The following NCS1 variants were observed in gnomAD, a reference collection of about 807,000 sequenced individuals.
The protein encoded by NCS1 is frequenin homolog.
A neutral mutation model predicts 28.4 loss-of-function variants in NCS1; 6 were observed. The observed-to-expected ratio is 0.21, with a 90% confidence interval of 0.12 to 0.42. The LOEUF (loss-of-function observed/expected upper bound fraction) is 0.42, where lower values mean the gene tolerates loss of function less well. NCS1 is among the 10% of genes least tolerant of loss of function. The pLI is 1.00. For missense variants in NCS1, 131 were observed against 241.4 expected (o/e 0.54, Z 3.03); for synonymous variants, 86 against 99.3 (o/e 0.87, Z 0.79).
At chr9:130,223,506 A>G (rs1343035354) in intron 6 of NCS1, among the ~76,000 whole-genome samples, 2 of 152,170 alleles carry the variant, frequency 1.3e-5, no homozygotes, top group Non-Finnish European at 2.9e-5. Flanking sequence ...TGATTATTTT[A>G]GAAAACAGCT....
chr9:130,174,857 G>A (rs117969492), intron 1 of NCS1, among the ~76,000 whole-genome samples: 2,247 of 149,926 alleles, frequency 0.015, 27 homozygotes, highest in Non-Finnish European at 0.018. Context: ...CATGATGGTG[G>A]ATTCTAAATG....
At position 130,184,794 on chromosome 9, in the gene NCS1, A is replaced by ATT. The variant is rs34059439; in HGVS notation, c.64+12078_64+12079dup. On this transcript the variant is annotated intron_variant, in intron 1 of 7. Transcript: ENST00000372398. ...AGGCGTGCACCACCACGCCTGGCTA[A>ATT]TTTTTTTTTTTTGTATTTTAGTAGA... Among the ~76,000 whole-genome samples the ATT allele has an allele frequency of 7.1e-3, 1,034 of 146,448 alleles. 20 individuals are homozygous for ATT. The highest frequency in any genetic ancestry group is 0.024 in the African/African-American group (944 of 39,852).
chr9:130,172,627 G>C lies in NCS1; in HGVS notation c.-37G>C. On this transcript the variant is annotated 5_prime_UTR_variant, in exon 1 of 8. Transcript: ENST00000372398. ...CGCTCCTGCTGGGCGCCCCAACCGG[G>C]TCCGGCCCGGGGGGGCGGGGGCCGC... 7.3e-7 allele frequency: 1 copy of C among 1,374,218 alleles called. No homozygotes were observed. The highest frequency in any genetic ancestry group is 9.6e-7 in the Non-Finnish European group (1 of 1,038,796). The allele number at this position is 1,374,218 out of a possible 1,614,324, so 85.1% of individuals were successfully genotyped here. A position where few individuals can be genotyped will look rare whatever the true frequency, so the allele number is the denominator to read the frequency against.
Position 130,172,583 on chromosome 9 carries a change from C to A in NCS1, c.-81C>A, listed in dbSNP as rs1832495764. ...CCGCAGACAAAGGCGCGGCCCCGGC[C>A]CGGCCCGCCCGGCCCAGCCGCTCCT... On this transcript the variant is annotated 5_prime_UTR_variant, in exon 1 of 8. Transcript: ENST00000372398. 2.7e-6 allele frequency: 2 copies of A among 737,850 alleles called. No individual in the cohort carries two copies. The highest frequency in any genetic ancestry group is 3.9e-5 in the African/African-American group (2 of 51,746). The allele number at this position is 737,850 out of a possible 1,614,324, so 45.7% of individuals were successfully genotyped here.
In NCS1 at chr9:130,181,851, C is replaced by T. The variant is rs998813549; in HGVS notation, c.64+9124C>T. Among the ~76,000 whole-genome samples the T allele has an allele frequency of 1.5e-4, 23 of 151,396 alleles. No homozygotes were observed. Among genetic ancestry groups the T allele is most frequent in the Admixed American group, 6.6e-4 (10 of 15,214 alleles). ...TGGCGTGTGTCAGGAGTGGGTGAGC[C>T]GGGCACTCCTGTGCGCACGCGTGTG... is the stretch of plus-strand genomic sequence containing the variant. On this transcript the variant is annotated intron_variant, in intron 1 of 7. Transcript: ENST00000372398. This position sits in a 1 kb window ranked among gnomAD's most constrained non-coding sequence, Gnocchi z 5.0.
intron 1 of NCS1, among the ~76,000 whole-genome samples, chr9:130,179,262 G>C (rs185725647): frequency 3.2e-4 from 49 of 152,028 alleles, no homozygotes; most frequent in Admixed American, 1.7e-3. Flanking sequence ...GTAAATTTGG[G>C]ATTATCTACT....
rs1206566214 is a variant in NCS1 at position 130,204,782 on chromosome 9, C to T, written c.89+3800C>T. 7.9e-5 allele frequency among the ~76,000 whole-genome samples: 12 copies of T among 152,312 alleles called. No individual in the cohort carries two copies. The South Asian group carries it at 8.3e-4, about 11-fold the overall frequency. Reference sequence around the variant, plus strand: ...CAGAGTCTAGGAAACATTTTCTCTGCTGGTGTCAGTAACCGTAGTAATCAT... The same window carrying T: ...CAGAGTCTAGGAAACATTTTCTCTGTTGGTGTCAGTAACCGTAGTAATCAT... On this transcript the variant is annotated intron_variant, in intron 2 of 7. Coordinates refer to ENST00000372398, the MANE Select transcript of NCS1 (RefSeq NM_014286.4).
chr9:130,218,534 A>T (rs1045423558), intron 3 of NCS1, among the ~76,000 whole-genome samples: 3 of 152,192 alleles, frequency 2.0e-5, no homozygotes, highest in Non-Finnish European at 4.4e-5. Flanking sequence ...TGATAATAAC[A>T]GGATTAATAA....
chr9:130,210,843 C>CTTTTTTTTTTTTTT lies in NCS1; in HGVS notation c.90-6976_90-6975insTTTTTTTTTTTTTT, dbSNP rs3055582. Among the ~76,000 whole-genome samples the CTTTTTTTTTTTTTT allele has an allele frequency of 5.0e-5, 7 of 141,038 alleles. 1 individual carries two copies. The highest frequency in any genetic ancestry group is 4.6e-4 in the South Asian group (2 of 4,358). The allele number at this position is 141,038 out of a possible 152,430, so 92.5% of individuals were successfully genotyped here. A position where few individuals can be genotyped will look rare whatever the true frequency, so the allele number is the denominator to read the frequency against. ...TTCAACACCTTTTTCTTTTTCTTTT[C>CTTTTTTTTTTTTTT]TTTTTTTTTTTTTGAGACAGGGTCT... On this transcript the variant is annotated intron_variant, in intron 2 of 7. Transcript: ENST00000372398.
intron 1 of NCS1, among the ~76,000 whole-genome samples, chr9:130,195,243 C>T (rs781847451): frequency 3.9e-5 from 6 of 152,130 alleles, no homozygotes; most frequent in Admixed American, 1.3e-4. Flanking sequence ...CTGGGCTGGC[C>T]AAGGCCCTCT....
intron 2 of NCS1, among the ~76,000 whole-genome samples, chr9:130,216,725 A>T (rs1378770727): frequency 6.6e-6 from 1 of 151,952 alleles, no homozygotes; most frequent in Non-Finnish European, 1.5e-5. Context: ...CAAAAAAAAA[A>T]AAAAAAGGCT....
chr9:130,180,016 TATCTATCTATC>T lies in NCS1; in HGVS notation c.64+7290_64+7300del, dbSNP rs1554905002. Among the ~76,000 whole-genome samples, 4 of 144,568 alleles carry T rather than the reference TATCTATCTATC, an allele frequency of 2.8e-5. No individual in the cohort carries two copies. Among genetic ancestry groups the T allele is most frequent in the East Asian group, 2.0e-4 (1 of 5,104 alleles). The allele number at this position is 144,568 out of a possible 152,430, so 94.8% of individuals were successfully genotyped here. ...CTTTTTATCTATCTATCTATCTATCTATCTATCTATCTATCTATCTATCTATCTATCTATCG... is the reference window on the plus strand; with the variant it reads ...CTTTTTATCTATCTATCTATCTATCTTATCTATCTATCTATCTATCTATCG... On this transcript the variant is annotated intron_variant, in intron 1 of 7. Transcript: ENST00000372398. The surrounding 1 kb of genome is among the most constrained non-coding windows in gnomAD (Gnocchi z 4.5).
At chr9:130,190,538 C>G (rs1554906149) in intron 1 of NCS1, among the ~76,000 whole-genome samples, 1 of 152,208 alleles carries the variant, frequency 6.6e-6, no homozygotes, top group Non-Finnish European at 1.5e-5. Flanking sequence ...GTCAGTGCGA[C>G]TTGATCTGGG....
At chr9:130,176,794 T>C (rs186266192) in intron 1 of NCS1, among the ~76,000 whole-genome samples, 233 of 152,368 alleles carry the variant, frequency 1.5e-3, no homozygotes, top group African/African-American at 5.5e-3. Context: ...ATGGAATCCC[T>C]GGCCTCAGGA....
intron 1 of NCS1, among the ~76,000 whole-genome samples, chr9:130,198,763 G>A (rs1292658867): frequency 2.0e-5 from 3 of 152,170 alleles, no homozygotes; most frequent in Non-Finnish European, 4.4e-5. Context: ...AGTGCCCTGT[G>A]GGGCCGGATT....
rs1342103095 is a variant in NCS1 at position 130,233,991 on chromosome 9, A to G, written c.*1019A>G. 1 of 152,010 alleles carries G rather than the reference A, an allele frequency of 6.6e-6. No homozygotes were observed. The highest frequency in any genetic ancestry group is 1.5e-5 in the Non-Finnish European group (1 of 68,018). The allele number at this position is 152,010 out of a possible 1,614,324, so 9.4% of individuals were successfully genotyped here. On this transcript the variant is annotated 3_prime_UTR_variant, in exon 8 of 8. Transcript: ENST00000372398. This position sits in a 1 kb window ranked among gnomAD's most constrained non-coding sequence, Gnocchi z 4.8. ...CCGAGGATGAACAGGGGACATCTTT[A>G]GGTTTCTCAACTCTTGCTTTGGTGT...
rs1554904294 is a variant in NCS1 at position 130,173,207 on chromosome 9, G to GGT, written c.64+481_64+482insTG. Among the ~76,000 whole-genome samples the GGT allele has an allele frequency of 3.3e-5, 5 of 151,964 alleles. No homozygotes were observed. In the East Asian group the frequency reaches 9.7e-4, roughly 29 times the overall value. On this transcript the variant is annotated intron_variant, in intron 1 of 7. Coordinates refer to ENST00000372398, the MANE Select transcript of NCS1 (RefSeq NM_014286.4). ...CCCTGGCCCCGTTCGTGTGGGGGGG[G>GGT]GGGTGGCGAGACTTGGCACAGCGCT...
In NCS1 at chr9:130,235,218, GGCTCCCTGCTCA is replaced by G. The variant is rs1448042847; in HGVS notation, c.*2250_*2261del. 1 of 152,316 alleles carries G rather than the reference GGCTCCCTGCTCA, an allele frequency of 6.6e-6. No individual in the cohort carries two copies. Among genetic ancestry groups the G allele is most frequent in the African/African-American group, 2.4e-5 (1 of 41,408 alleles). 9.4% of individuals were successfully genotyped at this position (152,316 alleles called of 1,614,324 possible). On this transcript the variant is annotated 3_prime_UTR_variant, in exon 8 of 8. Transcript: ENST00000372398. ...GGATTCTTTGAGGCCCCTGCCAGTC[GGCTCCCTGCTCA>G]GCTGCTGGCCCGGGCGACCTGGGAC... is the stretch of plus-strand genomic sequence containing the variant.
chr9:130,231,135 G>T (rs1554912058), intron 7 of NCS1, among the ~76,000 whole-genome samples: 1 of 151,946 alleles, frequency 6.6e-6, no homozygotes, highest in Non-Finnish European at 1.5e-5. Flanking sequence ...TGGATCACTT[G>T]AGCCAAAGAG....
Sources: allele counts gnomAD v4.1 joint callset (sites outside exome capture counted in the v4.1 genomes callset), GRCh38; gene constraint gnomAD v4.1.1; non-coding constraint Gnocchi (gnomAD v3.1); transcripts MANE v1.5; gene names NCBI Gene and HGNC (gene_info 2026-07-23, HGNC 2026-07-21).